The following CLVS1 variants were observed in gnomAD, a reference collection of about 807,000 sequenced individuals.
The protein encoded by CLVS1 is clavesin 1, also known as clavesin-1.
Under a neutral mutation model 33.1 loss-of-function variants are expected in CLVS1, and 10 were observed. The ratio of observed to expected loss-of-function variants is 0.30; its 90% CI spans 0.19 to 0.51. CLVS1 has a LOEUF of 0.51. Ranked by LOEUF, CLVS1 falls within the 20% of genes least tolerant of loss-of-function variation. The pLI is 0.97. For missense variants in CLVS1, 343 were observed against 433.4 expected, an observed-to-expected ratio of 0.79 and a Z score of 1.85; for synonymous variants, 163 against 166.1, an observed-to-expected ratio of 0.98 and a Z score of 0.14.
the CLVS1 span, among the ~76,000 whole-genome samples, chr8:61,010,970 C>T: frequency 1.3e-5 from 2 of 152,246 alleles, no homozygotes; most frequent in African/African-American, 2.4e-5. Flanking sequence ...GAAGGACACA[C>T]TTGGTTCGCA....
chr8:61,217,904 C>T (rs946781911), intron 2 of CLVS1, among the ~76,000 whole-genome samples: 2 of 152,116 alleles, frequency 1.3e-5, no homozygotes, highest in African/African-American at 4.8e-5. Flanking sequence ...TGAAGAAAAA[C>T]TTGACATAAT....
chr8:61,466,737 T>C (rs1817558921), intron 5 of CLVS1, among the ~76,000 whole-genome samples: 1 of 152,152 alleles, frequency 6.6e-6, no homozygotes, highest in South Asian at 2.1e-4. Context: ...AACCTCCACC[T>C]CCCGGGTTCA....
chr8:61,149,607 G>GA (rs1474203993), intron 2 of CLVS1, among the ~76,000 whole-genome samples: 8 of 134,432 alleles, frequency 6.0e-5, no homozygotes, highest in African/African-American at 2.2e-4. Context: ...AAAGACAACA[G>GA]AAAAAAAGAG....
intron 3 of CLVS1, among the ~76,000 whole-genome samples, chr8:61,446,912 A>G (rs1816778123): frequency 6.7e-6 from 1 of 149,468 alleles, no homozygotes; most frequent in South Asian, 2.1e-4. Flanking sequence ...CCTCTTATCT[A>G]TTATTGATTT....
At chr8:61,294,426 G>A (rs1159629767) in intron 1 of CLVS1, among the ~76,000 whole-genome samples, 7 of 152,048 alleles carry the variant, frequency 4.6e-5, no homozygotes, top group Admixed American at 6.6e-5. Flanking sequence ...TTTAAAACAA[G>A]CTCATTATCT....
At chr8:60,965,267 A>T in the CLVS1 span, 2 of 152,208 alleles carry the variant, frequency 1.3e-5, no homozygotes, top group African/African-American at 4.8e-5. Context: ...GTCAATTCAG[A>T]GGTAGACCCC....
At chr8:61,301,633 G>A (rs961125391) in intron 2 of CLVS1, among the ~76,000 whole-genome samples, 2 of 152,142 alleles carry the variant, frequency 1.3e-5, no homozygotes, top group African/African-American at 4.8e-5. Flanking sequence ...TTAGTACTAT[G>A]ACCCCTCTTT....
At chr8:61,344,564 T>C (rs1812138082) in intron 2 of CLVS1, among the ~76,000 whole-genome samples, 2 of 152,204 alleles carry the variant, frequency 1.3e-5, no homozygotes, top group Non-Finnish European at 2.9e-5. Flanking sequence ...CCCTCTTCCA[T>C]GACTCTTTAG....
chr8:61,017,652 C>G, the CLVS1 span, among the ~76,000 whole-genome samples: 1 of 152,212 alleles, frequency 6.6e-6, no homozygotes, highest in Non-Finnish European at 1.5e-5. Flanking sequence ...CCTCCAGGTC[C>G]AGGGACAAAG....
At chr8:61,146,610 T>G (rs1402856719) in intron 2 of CLVS1, among the ~76,000 whole-genome samples, 1 of 152,238 alleles carries the variant, frequency 6.6e-6, no homozygotes, top group Non-Finnish European at 1.5e-5. Flanking sequence ...ATATTCATAT[T>G]AGAAAAACTG....
chr8:61,085,127 T>A lies in CLVS1; in HGVS notation c.-243+27897T>A, dbSNP rs534396420. On this transcript the variant is annotated intron_variant, in intron 1 of 2. Coordinates refer to the CLVS1 transcript ENST00000522621. Reference sequence around the variant, plus strand: ...AAATATGAGAAATGATGCAGGTATTTGGAAGGGAGCAATGTCCTGCCAGTC... The same window carrying A: ...AAATATGAGAAATGATGCAGGTATTAGGAAGGGAGCAATGTCCTGCCAGTC... Among the ~76,000 whole-genome samples, 18 of 152,328 alleles carry A rather than the reference T, an allele frequency of 1.2e-4. 1 individual carries two copies. Among genetic ancestry groups the A allele is most frequent in the African/African-American group, 4.3e-4 (18 of 41,568 alleles).
chr8:61,285,705 A>T (rs1173558330), upstream of CLVS1, among the ~76,000 whole-genome samples: 2 of 152,182 alleles, frequency 1.3e-5, no homozygotes, highest in Admixed American at 6.5e-5. Context: ...TGTGTTGACC[A>T]GTGACAGGTA....
the CLVS1 span, among the ~76,000 whole-genome samples, chr8:61,021,809 G>A: frequency 6.6e-6 from 1 of 152,140 alleles, no homozygotes; most frequent in Non-Finnish European, 1.5e-5. Flanking sequence ...TTTGAGTTAT[G>A]AATAACCCTG....
At chr8:61,072,423 T>C (rs1329809877) in intron 1 of CLVS1, among the ~76,000 whole-genome samples, 1 of 152,244 alleles carries the variant, frequency 6.6e-6, no homozygotes, top group East Asian at 1.9e-4. Flanking sequence ...TAAAGATGTT[T>C]GAAGGATGAC....
At chr8:61,104,988 C>A (rs943395483) in intron 1 of CLVS1, among the ~76,000 whole-genome samples, 1 of 152,054 alleles carries the variant, frequency 6.6e-6, no homozygotes, top group Non-Finnish European at 1.5e-5. Flanking sequence ...ACCACCACAC[C>A]CAGCTAATTT....
At chr8:61,313,134 C>T (rs1483921365) in intron 2 of CLVS1, among the ~76,000 whole-genome samples, 1 of 152,050 alleles carries the variant, frequency 6.6e-6, no homozygotes, top group Non-Finnish European at 1.5e-5. Flanking sequence ...GGAAAATGGC[C>T]CTACATGAGA....
At chr8:61,458,791 T>C in intron 5 of CLVS1, 1 of 355,030 alleles carries the variant, frequency 2.8e-6, no homozygotes, top group Non-Finnish European at 5.1e-6. Context: ...GCCACAATTA[T>C]AGCCCTGGTC....
intron 2 of CLVS1, among the ~76,000 whole-genome samples, chr8:61,364,628 A>T (rs1379189698): frequency 6.6e-6 from 1 of 152,198 alleles, no homozygotes; most frequent in African/African-American, 2.4e-5. Flanking sequence ...AACTTTTAAA[A>T]CTTAAATCAG....
intron 2 of CLVS1, among the ~76,000 whole-genome samples, chr8:61,219,865 A>G (rs763576002): frequency 9.9e-5 from 15 of 152,084 alleles, no homozygotes; most frequent in Non-Finnish European, 2.1e-4. Flanking sequence ...ATGGTATCTC[A>G]TTGTGGTTTT....
Sources: gnomAD v4.1 joint callset for allele counts (sites outside exome capture counted in the v4.1 genomes callset) on GRCh38, gnomAD v4.1.1 for gene constraint, MANE v1.5 for transcripts, NCBI Gene and HGNC (gene_info 2026-07-23, HGNC 2026-07-21) for gene names.